TASP1: variants seen among roughly 807,000 people sequenced by gnomAD.
The protein encoded by TASP1 is taspase 1, also known as threonine aspartase 1.
A neutral mutation model predicts 56.6 loss-of-function variants in TASP1; 16 were observed. The ratio of observed to expected loss-of-function variants is 0.28; its 90% CI spans 0.19 to 0.43. TASP1 has a LOEUF of 0.43. Among genes scored for constraint, TASP1 ranks in the 20% least tolerant of loss-of-function variants. The probability of loss-of-function intolerance (pLI) is 1.00; values close to 1 mark genes in which losing one functional copy is unlikely to be tolerated. For missense variants in TASP1, 393 were observed against 511.6 expected, an observed-to-expected ratio of 0.77 and a Z score of 2.24; for synonymous variants, 179 against 184.2, an observed-to-expected ratio of 0.97 and a Z score of 0.23.
chr20:13,487,599 T>C (rs2043373332), intron 10 of TASP1, among the ~76,000 whole-genome samples: 1 of 152,106 alleles, frequency 6.6e-6, no homozygotes, highest in Non-Finnish European at 1.5e-5. Context: ...GCATGTCCCA[T>C]GCTCAAAGAT....
intron 11 of TASP1, among the ~76,000 whole-genome samples, chr20:13,476,865 T>C (rs770507872): frequency 1.3e-5 from 2 of 152,132 alleles, no homozygotes; most frequent in African/African-American, 2.4e-5. Flanking sequence ...TCTTTGATTT[T>C]TCTAATAGAC....
At chr20:13,117,488 T>C in the TASP1 span, 3,711 of 1,557,394 alleles carry the variant, frequency 2.4e-3, 4 homozygotes, top group Non-Finnish European at 2.9e-3. Context: ...GTTATGAGCA[T>C]TTCTCCTTCT....
the TASP1 span, among the ~76,000 whole-genome samples, chr20:13,139,771 T>C: frequency 6.6e-6 from 1 of 152,190 alleles, no homozygotes; most frequent in African/African-American, 2.4e-5. Context: ...TCCTCCGACT[T>C]TCTGATTCTT....
chr20:13,638,252 G>A (rs1011974257), intron 1 of TASP1, among the ~76,000 whole-genome samples: 1 of 151,930 alleles, frequency 6.6e-6, no homozygotes, highest in Admixed American at 6.6e-5. Flanking sequence ...CAATCTAATG[G>A]CCCCTAACAC....
At chr20:13,605,576 A>T (rs2048118819) in intron 4 of TASP1, among the ~76,000 whole-genome samples, 1 of 151,994 alleles carries the variant, frequency 6.6e-6, no homozygotes, top group East Asian at 1.9e-4. Flanking sequence ...GCTGCTCGGG[A>T]GGGAGATCAG....
the TASP1 span, among the ~76,000 whole-genome samples, chr20:13,242,910 C>T: frequency 1.3e-5 from 2 of 152,176 alleles, no homozygotes; most frequent in East Asian, 1.9e-4. Context: ...GTGGGCCAGA[C>T]ACTTTTTTAA....
chr20:13,364,554 G>A, the TASP1 span, among the ~76,000 whole-genome samples: 4 of 152,064 alleles, frequency 2.6e-5, no homozygotes, highest in East Asian at 7.8e-4. Context: ...GATAGTCAAG[G>A]TCCACCTGAT....
the TASP1 span, among the ~76,000 whole-genome samples, chr20:13,316,958 T>C: frequency 7.6e-3 from 1,146 of 151,448 alleles, 65 homozygotes; most frequent in Admixed American, 0.07. Context: ...GAAAAAGAAA[T>C]AAAAGCCATA....
intron 4 of TASP1, among the ~76,000 whole-genome samples, chr20:13,608,723 C>A (rs992429514): frequency 1.7e-4 from 26 of 152,218 alleles, no homozygotes; most frequent in Non-Finnish European, 3.2e-4. Context: ...CATTCAAAAC[C>A]AGGCATCTGG....
chr20:13,388,695 G>T (rs140845852), downstream of TASP1, among the ~76,000 whole-genome samples: 677 of 152,158 alleles, frequency 4.4e-3, 2 homozygotes, highest in East Asian at 0.01. Flanking sequence ...GAAGCCAAAG[G>T]CTCCCCACCA....
At chr20:13,436,363 G>C (rs1015934388) in intron 11 of TASP1, among the ~76,000 whole-genome samples, 16 of 142,848 alleles carry the variant, frequency 1.1e-4, no homozygotes, top group Admixed American at 4.1e-4. Context: ...AAAAAAAAAA[G>C]GAGGAGGAGG....
intron 10 of TASP1, among the ~76,000 whole-genome samples, chr20:13,521,206 G>A (rs1012324883): frequency 4.6e-5 from 7 of 152,156 alleles, no homozygotes; most frequent in African/African-American, 1.4e-4. Flanking sequence ...CATTGTGGAA[G>A]TCAGTGTGGC....
the TASP1 span, among the ~76,000 whole-genome samples, chr20:13,136,028 A>T: frequency 4.6e-5 from 7 of 152,242 alleles, no homozygotes; most frequent in Middle Eastern, 3.2e-3. Flanking sequence ...TCAATTACTA[A>T]TGTGTAATAT....
chr20:13,321,805 G>A, the TASP1 span, among the ~76,000 whole-genome samples: 1 of 152,158 alleles, frequency 6.6e-6, no homozygotes, highest in African/African-American at 2.4e-5. Context: ...TTTTACTAGG[G>A]AATGTCGAAG....
chr20:13,429,762 T>C (rs547741066), intron 12 of TASP1, among the ~76,000 whole-genome samples: 2 of 152,338 alleles, frequency 1.3e-5, no homozygotes, highest in Admixed American at 1.3e-4. Context: ...ATTCAACATT[T>C]AGCTTAGACG....
At chr20:13,263,215 CA>C in the TASP1 span, among the ~76,000 whole-genome samples, 1 of 152,324 alleles carries the variant, frequency 6.6e-6, no homozygotes, top group South Asian at 2.1e-4. Flanking sequence ...CCATCATACA[CA>C]GGCTTCATGA....
intron 10 of TASP1, among the ~76,000 whole-genome samples, chr20:13,489,615 T>C (rs1051322844): frequency 3.9e-5 from 6 of 152,146 alleles, no homozygotes; most frequent in African/African-American, 1.4e-4. Flanking sequence ...CAAAGGGTAC[T>C]GCTAGGTAGC....
intron 4 of TASP1, among the ~76,000 whole-genome samples, chr20:13,590,016 G>A (rs935273554): frequency 2.6e-5 from 4 of 152,148 alleles, no homozygotes; most frequent in Non-Finnish European, 5.9e-5. Context: ...CAGATCACTT[G>A]AGGCCAGGAC....
the TASP1 span, among the ~76,000 whole-genome samples, chr20:13,269,376 A>AT: frequency 6.6e-6 from 1 of 152,306 alleles, no homozygotes; most frequent in South Asian, 2.1e-4. Flanking sequence ...AAATGGTGAC[A>AT]TTTTTCACAG....
Sources: allele counts gnomAD v4.1 joint callset (sites outside exome capture counted in the v4.1 genomes callset), GRCh38; gene constraint gnomAD v4.1.1; transcripts MANE v1.5; gene names NCBI Gene and HGNC (gene_info 2026-07-23, HGNC 2026-07-21).